The following PRMT9 variants were observed in gnomAD, a reference collection of about 807,000 sequenced individuals.
PRMT9 encodes protein arginine methyltransferase 9, also known as protein arginine N-methyltransferase 9.
In PRMT9, 59 loss-of-function variants were observed where a neutral mutation model predicts 83.2. That is an observed-to-expected ratio of 0.71 (90% CI 0.57 to 0.88). The LOEUF (loss-of-function observed/expected upper bound fraction) is 0.88. PRMT9 is among the 40% of genes least tolerant of loss of function. PRMT9 has a pLI of 0.00. For synonymous variants in PRMT9, 333 were observed against 353.2 expected (o/e 0.94, Z 0.64); for missense variants, 947 against 1,021.9 (o/e 0.93, Z 1.00).
chr4:147,673,485 G>A (rs955312054), intron 3 of PRMT9, among the ~76,000 whole-genome samples, 153 bp downstream of exon 3: 26 of 151,932 alleles, frequency 1.7e-4, no homozygotes, highest in African/African-American at 6.0e-4. Context: ...CTTGATAAAA[G>A]TTATAGTAAA....
intron 8 of PRMT9, 142 bp downstream of exon 8, chr4:147,657,650 G>GA (rs562039418): frequency 9.7e-5 from 64 of 659,054 alleles, no homozygotes; most frequent in East Asian, 5.6e-5. Flanking sequence ...AATTTCTTTT[G>GA]AAAAAAAATG....
intron 6 of PRMT9, among the ~76,000 whole-genome samples, chr4:147,662,861 A>C (rs1357576353): frequency 4.6e-5 from 7 of 152,032 alleles, no homozygotes; most frequent in African/African-American, 1.7e-4. Flanking sequence ...TGTAAAAGGA[A>C]ACTACTCCAA....
At chr4:147,659,912 C>T (rs62344210) in intron 7 of PRMT9, among the ~76,000 whole-genome samples, 9 of 152,166 alleles carry the variant, frequency 5.9e-5, no homozygotes, top group Non-Finnish European at 1.0e-4. Context: ...CATCCTCACG[C>T]CATTCACTAA....
chr4:147,657,310 G>A (rs1333778417), intron 8 of PRMT9, among the ~76,000 whole-genome samples: 1 of 152,050 alleles, frequency 6.6e-6, no homozygotes, highest in Non-Finnish European at 1.5e-5. Flanking sequence ...TGGATCACGA[G>A]GTCAGAAGAT....
chr4:147,645,670 T>A (rs1292664733), intron 9 of PRMT9, among the ~76,000 whole-genome samples: 1 of 152,118 alleles, frequency 6.6e-6, no homozygotes, highest in Non-Finnish European at 1.5e-5. Flanking sequence ...AGTTTGAAAA[T>A]TTTCAAAATA....
At chr4:147,659,782 T>G (rs1560985030) in intron 7 of PRMT9, among the ~76,000 whole-genome samples, 2 of 152,062 alleles carry the variant, frequency 1.3e-5, no homozygotes, top group Non-Finnish European at 2.9e-5. Flanking sequence ...GGTTTCACCA[T>G]GTTGGCTAGG....
chr4:147,661,961 A>G (rs1264104707), intron 6 of PRMT9, among the ~76,000 whole-genome samples: 1 of 152,188 alleles, frequency 6.6e-6, no homozygotes, highest in Non-Finnish European at 1.5e-5. Flanking sequence ...ATTCGAGCTG[A>G]GCATACCTAT....
At chr4:147,642,528 A>AC (rs35278574) in intron 10 of PRMT9, among the ~76,000 whole-genome samples, 147,570 of 152,308 alleles carry the variant, frequency 0.97, 71,662 homozygotes, top group East Asian at 1. Flanking sequence ...GGCATGAGCC[A>AC]CACACCTGGC....
intron 6 of PRMT9, among the ~76,000 whole-genome samples, chr4:147,667,261 G>A (rs1352039681): frequency 1.3e-5 from 2 of 152,138 alleles, no homozygotes; most frequent in African/African-American, 4.8e-5. Flanking sequence ...GTGCAAAGAT[G>A]TTTATCCTAC....
rs1437419814 is a variant in PRMT9, at chr4:147,654,566, T to G, written c.1331A>C (p.Asp444Ala). ...ATGGTCTCCAGGCTTTATCCAGTAG[T>G]CTTCATTAAATAGTAAGGAAGAAAA... is the stretch of plus-strand genomic sequence containing the variant. Reference protein sequence around the residue: ...QAVYPVQDLADYWIKPGDHVM... With the variant: ...QAVYPVQDLAAYWIKPGDHVM... Residue 444 changes from aspartate to alanine, a missense_variant and splice_region_variant, in exon 9 of 12, where the codon GAC becomes GCC. Physicochemically the swap from Asp to Ala is moderately radical, Grantham distance 126. Transcript: ENST00000322396. 4.4e-6 allele frequency: 7 copies of G among 1,601,808 alleles called. No homozygotes were observed. Among genetic ancestry groups the G allele is most frequent in the Non-Finnish European group, 5.1e-6 (6 of 1,169,782 alleles).
At chr4:147,674,259 T>G (rs999111177) in intron 2 of PRMT9, among the ~76,000 whole-genome samples, 1 of 152,160 alleles carries the variant, frequency 6.6e-6, no homozygotes, top group Admixed American at 6.5e-5. Flanking sequence ...AGCAACTGAG[T>G]TGAATAGTCA....
intron 7 of PRMT9, among the ~76,000 whole-genome samples, chr4:147,659,574 C>CT (rs1371118694): frequency 1.4e-4 from 4 of 28,510 alleles, no homozygotes; most frequent in Non-Finnish European, 2.1e-4. Context: ...TGGGCACTTT[C>CT]TTTTCTTTTT....
intron 6 of PRMT9, among the ~76,000 whole-genome samples, chr4:147,663,367 A>C (rs1188948636): frequency 1.3e-5 from 2 of 148,540 alleles, no homozygotes; most frequent in Admixed American, 6.7e-5. Flanking sequence ...AAGATGTGAC[A>C]ATTTTTTGTG....
chr4:147,646,674 G>A (rs532025241), intron 9 of PRMT9, among the ~76,000 whole-genome samples: 1 of 151,592 alleles, frequency 6.6e-6, no homozygotes. Context: ...GGGGGGGAGG[G>A]GGGTGCAGGG....
At chr4:147,669,428 T>A (rs1454164409) in intron 5 of PRMT9, among the ~76,000 whole-genome samples, 1 of 151,922 alleles carries the variant, frequency 6.6e-6, no homozygotes, top group African/African-American at 2.4e-5. Context: ...ATATATATAT[T>A]TTTTTCTCAC....
intron 2 of PRMT9, among the ~76,000 whole-genome samples, chr4:147,680,041 C>G (rs1412968122): frequency 5.3e-5 from 8 of 152,198 alleles, no homozygotes; most frequent in Non-Finnish European, 1.2e-4. Context: ...TTCTGCCATC[C>G]TAAGAATCAC....
intron 2 of PRMT9, 48 bp downstream of exon 2, chr4:147,680,275 A>G: frequency 6.4e-7 from 1 of 1,555,254 alleles, no homozygotes. Context: ...CCCTATCCAG[A>G]CTAATACAGA....
In PRMT9 at chr4:147,673,881, T is replaced by C. The variant is rs1160524142; in HGVS notation, c.339-7A>G. 1.2e-6 allele frequency: 2 copies of C among 1,607,598 alleles called. No homozygotes were observed. Among genetic ancestry groups the C allele is most frequent in the African/African-American group, 1.3e-5 (1 of 74,748 alleles). On this transcript the variant is annotated splice_region_variant and splice_polypyrimidine_tract_variant and intron_variant, in intron 2 of 11. Coordinates refer to ENST00000322396, the MANE Select transcript of PRMT9 (RefSeq NM_138364.4). ...TTCATCCCTAAAGCCCATTCTAGAG[T>C]AAAAAATGACAAAAGACAAAATATA...
chr4:147,652,732 C>A (rs200928082), intron 9 of PRMT9, among the ~76,000 whole-genome samples: 2 of 138,688 alleles, frequency 1.4e-5, no homozygotes, highest in Non-Finnish European at 3.0e-5. Flanking sequence ...AACGAAAAAA[C>A]AAAAAAAAAA....
Sources: gnomAD v4.1 joint callset for allele counts (sites outside exome capture counted in the v4.1 genomes callset) on GRCh38, gnomAD v4.1.1 for gene constraint, MANE v1.5 for transcripts, NCBI Gene and HGNC (gene_info 2026-07-23, HGNC 2026-07-21) for gene names.